ORC3: variants seen among roughly 807,000 people sequenced by gnomAD.
The protein encoded by ORC3 is origin recognition complex subunit 3, also known as homolog of latheo, Drosophila.
In ORC3, 78 loss-of-function variants were observed where a neutral mutation model predicts 100.7. The ratio of observed to expected loss-of-function variants is 0.77; its 90% CI spans 0.65 to 0.94. The LOEUF (loss-of-function observed/expected upper bound fraction) is 0.94. ORC3 is among the 40% of genes least tolerant of loss of function. The pLI is 0.00. For missense variants in ORC3, 789 were observed against 823.9 expected (o/e 0.96, Z 0.52); for synonymous variants, 295 against 289.3 (o/e 1.02, Z -0.20).
intron 13 of ORC3, among the ~76,000 whole-genome samples, chr6:87,652,739 T>G (rs1769375606): frequency 6.6e-6 from 1 of 152,228 alleles, no homozygotes; most frequent in Non-Finnish European, 1.5e-5. Flanking sequence ...CTTCCACTGC[T>G]TCTTCTCATT....
intron 2 of ORC3, among the ~76,000 whole-genome samples, chr6:87,596,496 A>G (rs1777458743): frequency 6.6e-6 from 1 of 150,474 alleles, no homozygotes; most frequent in African/African-American, 2.5e-5. Flanking sequence ...TTAAAGTCCC[A>G]GTGGTTTCCT....
intron 7 of ORC3, 130 bp downstream of exon 7, chr6:87,609,359 T>A: frequency 1.6e-6 from 1 of 632,832 alleles, no homozygotes; most frequent in Non-Finnish European, 2.5e-6. Context: ...TTCTTTATAA[T>A]TGAATATTCA....
chr6:87,629,262 T>C (rs371648378), intron 11 of ORC3, among the ~76,000 whole-genome samples: 3 of 152,340 alleles, frequency 2.0e-5, no homozygotes, highest in South Asian at 2.1e-4. Context: ...ACAGTCTGTT[T>C]TACCAGTTTT....
chr6:87,670,264 C>G (rs1770806057), downstream of ORC3, among the ~76,000 whole-genome samples: 1 of 152,146 alleles, frequency 6.6e-6, no homozygotes, highest in South Asian at 2.1e-4. Flanking sequence ...CTCCTGGGTT[C>G]AAGCCATTCT....
rs1387117255 is a variant in ORC3 at position 87,607,916 on chromosome 6, A to G, written c.579+92A>G. On this transcript the variant is annotated intron_variant, in intron 6 of 19. Coordinates refer to ENST00000392844, the MANE Select transcript of ORC3 (RefSeq NM_012381.4). Reference sequence around the variant, plus strand: ...TAGACAGTACTGTTTTGATCTAACAAGGATATGTTTCTGCAGCACTAGGTG... The same window carrying G: ...TAGACAGTACTGTTTTGATCTAACAGGGATATGTTTCTGCAGCACTAGGTG... The G allele has an allele frequency of 3.8e-6, 3 of 786,896 alleles. No individual in the cohort carries two copies. In the East Asian group the frequency reaches 8.5e-5, roughly 22 times the overall value. The allele number at this position is 786,896 out of a possible 1,614,324, so 48.7% of individuals were successfully genotyped here. A position where few individuals can be genotyped will look rare whatever the true frequency, so the allele number is the denominator to read the frequency against.
chr6:87,596,674 TA>T (rs1006362929), intron 2 of ORC3, among the ~76,000 whole-genome samples: 4 of 152,060 alleles, frequency 2.6e-5, no homozygotes, highest in Admixed American at 2.0e-4. Flanking sequence ...ATTCAATTAA[TA>T]AAAAAAGATA....
At position 87,611,652 on chromosome 6, in the gene ORC3, C is replaced by T. The variant is rs28381491; in HGVS notation, c.714-437C>T. ...AATTAAAAAATTAGGCATGGTGGCA[C>T]GCACATGTAGTCCCAGCTACTCGGG... is the stretch of plus-strand genomic sequence containing the variant. On this transcript the variant is annotated intron_variant, in intron 7 of 19. Transcript: ENST00000392844. Among the ~76,000 whole-genome samples the T allele has an allele frequency of 2.2e-3, 328 of 151,938 alleles. 1 individual carries two copies. Among genetic ancestry groups the T allele is most frequent in the Non-Finnish European group, 3.8e-3 (258 of 67,952 alleles).
At chr6:87,606,545 T>C (rs1778357058) in intron 5 of ORC3, among the ~76,000 whole-genome samples, 2 of 151,656 alleles carry the variant, frequency 1.3e-5, no homozygotes, top group African/African-American at 4.9e-5. Flanking sequence ...TTTTTTTTTC[T>C]TTTGAGACAG....
At chr6:87,600,384 T>C (rs1412915659) in intron 2 of ORC3, among the ~76,000 whole-genome samples, 1 of 152,224 alleles carries the variant, frequency 6.6e-6, no homozygotes, top group Non-Finnish European at 1.5e-5. Flanking sequence ...ATATTAAAGA[T>C]GGGATTTTTC....
intron 7 of ORC3, 72 bp downstream of exon 7, chr6:87,609,301 T>C (rs1188630554): frequency 9.5e-7 from 1 of 1,047,986 alleles, no homozygotes; most frequent in African/African-American, 1.6e-5. Flanking sequence ...ACTTGAAAAG[T>C]ATAATCTTCA....
chr6:87,624,920 C>G (rs1779787913), intron 11 of ORC3, among the ~76,000 whole-genome samples: 1 of 152,174 alleles, frequency 6.6e-6, no homozygotes, highest in Admixed American at 6.5e-5. Flanking sequence ...GTTCAACTCC[C>G]ACTTGTGAGT....
chr6:87,604,384 T>G (rs2128249548), intron 4 of ORC3, among the ~76,000 whole-genome samples: 2 of 152,354 alleles, frequency 1.3e-5, no homozygotes, highest in East Asian at 3.9e-4. Context: ...GGGTACCAGC[T>G]GATGCCCATA....
At chr6:87,610,950 T>TC (rs1778716665) in intron 7 of ORC3, among the ~76,000 whole-genome samples, 1 of 148,450 alleles carries the variant, frequency 6.7e-6, no homozygotes, top group African/African-American at 2.5e-5. Flanking sequence ...TTTTTTTTTT[T>TC]TTTTGAGACA....
At chr6:87,651,461 G>A in intron 13 of ORC3, 1 of 316,648 alleles carries the variant, frequency 3.2e-6, no homozygotes, top group Admixed American at 3.8e-5. Context: ...CTCTATCTGG[G>A]CAATAGAAAG....
chr6:87,606,990 TA>T (rs1238776581), intron 5 of ORC3, among the ~76,000 whole-genome samples: 2 of 152,338 alleles, frequency 1.3e-5, no homozygotes, highest in African/African-American at 4.8e-5. Flanking sequence ...GAAAGATTTA[TA>T]ATCAGTAAAA....
intron 1 of ORC3, 105 bp from the exon 2 acceptor site, chr6:87,594,248 A>C (rs909307598): frequency 1.6e-5 from 11 of 686,338 alleles, no homozygotes; most frequent in Admixed American, 2.3e-5. Context: ...TCTCTCCCCT[A>C]ACATCTTTTT....
intron 11 of ORC3, among the ~76,000 whole-genome samples, chr6:87,622,598 A>G (rs188514593): frequency 6.6e-6 from 1 of 152,194 alleles, no homozygotes; most frequent in Non-Finnish European, 1.5e-5. Context: ...TGGATATAGT[A>G]TACTATATAT....
chr6:87,668,357 G>A (rs2128298231), downstream of ORC3, among the ~76,000 whole-genome samples: 1 of 152,240 alleles, frequency 6.6e-6, no homozygotes, highest in East Asian at 1.9e-4. Context: ...AAAATGCTTG[G>A]AAACAGAAGT....
At position 87,663,091 on chromosome 6, in the gene ORC3, G is replaced by C; in HGVS notation, c.1780G>C (p.Ala594Pro). ...AHALREHLNA[A>P]PRIALHTALN... is the part of the protein sequence containing the mutation. ...TGCCCTTCGTGAGCATTTAAATGCT[G>C]CTCCGCGAATTGCCCTCCATACTGC... is the stretch of plus-strand genomic sequence containing the variant. The change falls in exon 17 of 20, where the codon GCT becomes CCT. Residue 594 changes from alanine (A) to proline (P), a missense_variant. Around this residue, in one of 3 missense-constraint regions of ORC3, gnomAD observed 366 missense variants for 394.2 expected, o/e 0.93. Coordinates refer to ENST00000392844, the MANE Select transcript of ORC3 (RefSeq NM_012381.4). 1 of 1,611,998 alleles carries C rather than the reference G, an allele frequency of 6.2e-7. No homozygotes were observed. Among genetic ancestry groups the C allele is most frequent in the Non-Finnish European group, 8.5e-7 (1 of 1,178,304 alleles).
Sources: gnomAD v4.1 joint callset for allele counts (sites outside exome capture counted in the v4.1 genomes callset) on GRCh38, gnomAD v4.1.1 for gene constraint, gnomAD v4.1.1 regional missense constraint, MANE v1.5 for transcripts, NCBI Gene and HGNC (gene_info 2026-07-23, HGNC 2026-07-21) for gene names.